GALNT7: variants seen among roughly 807,000 people sequenced by gnomAD.
GALNT7 encodes polypeptide N-acetylgalactosaminyltransferase 7.
A neutral mutation model predicts 82.1 loss-of-function variants in GALNT7; 60 were observed. That is an observed-to-expected ratio of 0.73 (90% CI 0.59 to 0.91). The LOEUF is 0.91. Among genes scored for constraint, GALNT7 ranks in the 40% least tolerant of loss-of-function variants. GALNT7 has a pLI of 0.00. For missense variants in GALNT7, 660 were observed against 804.2 expected, an observed-to-expected ratio of 0.82 and a Z score of 2.17; for synonymous variants, 243 against 275.1, an observed-to-expected ratio of 0.88 and a Z score of 1.15.
intron 2 of GALNT7, among the ~76,000 whole-genome samples, chr4:173,249,663 T>G (rs1164670232): frequency 6.6e-6 from 1 of 152,232 alleles, no homozygotes; most frequent in Non-Finnish European, 1.5e-5. Context: ...AATTTGAATT[T>G]CAGATAAATG....
At chr4:173,218,757 C>T (rs1360442376) in intron 1 of GALNT7, among the ~76,000 whole-genome samples, 3 of 152,124 alleles carry the variant, frequency 2.0e-5, no homozygotes, top group African/African-American at 7.2e-5. Context: ...GTGATAAGCA[C>T]ATGTATTCTT....
At chr4:173,305,008 C>A (rs968169352) in intron 8 of GALNT7, among the ~76,000 whole-genome samples, 16 of 151,814 alleles carry the variant, frequency 1.1e-4, no homozygotes, top group African/African-American at 3.9e-4. Flanking sequence ...CTTCGATATA[C>A]AGATTTTATG....
At chr4:173,186,804 TTGCTCTGTCACCAGGCTGGAG>T (rs1732475046) in intron 1 of GALNT7, among the ~76,000 whole-genome samples, 1 of 152,024 alleles carries the variant, frequency 6.6e-6, no homozygotes, top group South Asian at 2.1e-4. Context: ...AGATGGAGTC[TTGCTCTGTCACCAGGCTGGAG>T]TGCTGTGGTG....
intron 2 of GALNT7, among the ~76,000 whole-genome samples, chr4:173,255,328 T>C (rs1734998424): frequency 6.6e-6 from 1 of 152,172 alleles, no homozygotes; most frequent in Non-Finnish European, 1.5e-5. Flanking sequence ...CTTCCCACTC[T>C]CTGGTTATTG....
chr4:173,282,546 G>A (rs772571946), intron 2 of GALNT7: 5 of 152,194 alleles, frequency 3.3e-5, no homozygotes, highest in Non-Finnish European at 7.3e-5. Flanking sequence ...TCTAACTGCT[G>A]TTAGGGAGAT....
chr4:173,214,516 T>A (rs1363001289), intron 1 of GALNT7, among the ~76,000 whole-genome samples: 1 of 152,190 alleles, frequency 6.6e-6, no homozygotes, highest in African/African-American at 2.4e-5. Flanking sequence ...AGATTGAGTC[T>A]ACAGGGGACT....
intron 1 of GALNT7, among the ~76,000 whole-genome samples, chr4:173,193,368 T>C (rs929784104): frequency 3.3e-5 from 5 of 152,202 alleles, no homozygotes; most frequent in African/African-American, 1.2e-4. Context: ...TTTACTATTA[T>C]GGAAAATTCA....
At chr4:173,253,841 A>G (rs1286482067) in intron 2 of GALNT7, among the ~76,000 whole-genome samples, 4 of 152,182 alleles carry the variant, frequency 2.6e-5, no homozygotes, top group Admixed American at 2.6e-4. Flanking sequence ...AAGAAGTAGA[A>G]AATTCTGTTT....
chr4:173,221,302 A>G (rs998395296), intron 1 of GALNT7, among the ~76,000 whole-genome samples: 39 of 152,248 alleles, frequency 2.6e-4, no homozygotes, highest in African/African-American at 7.7e-4. Context: ...AATGTCTTCT[A>G]TTATTTCAGG....
chr4:173,298,824 G>A (rs1736814302), intron 6 of GALNT7, among the ~76,000 whole-genome samples: 1 of 152,106 alleles, frequency 6.6e-6, no homozygotes, highest in South Asian at 2.1e-4. Flanking sequence ...TAAATCTGAT[G>A]AATCACAATA....
At chr4:173,294,274 CTT>C (rs368722746) in intron 3 of GALNT7, among the ~76,000 whole-genome samples, 3,554 of 139,070 alleles carry the variant, frequency 0.026, 150 homozygotes, top group African/African-American at 0.088. Context: ...AGGATAAAGG[CTT>C]TTTTTTTTTT....
At position 173,198,589 on chromosome 4, in the gene GALNT7, A is replaced by T. The variant is rs79837824; in HGVS notation, c.126+29628A>T. On this transcript the variant is annotated intron_variant, in intron 1 of 11. Transcript: ENST00000265000. ...TATTATACCTGCCTCTTAAAGATTCACAAGGCTGAAAAGTCCTGAAGGAAT... is the reference window on the plus strand; with the variant it reads ...TATTATACCTGCCTCTTAAAGATTCTCAAGGCTGAAAAGTCCTGAAGGAAT... Among the ~76,000 whole-genome samples the T allele has an allele frequency of 2.0e-4, 30 of 152,322 alleles. No homozygotes were observed. The East Asian group carries it at 4.0e-3, about 21-fold the overall frequency.
chr4:173,224,803 G>A (rs540323953), intron 1 of GALNT7, among the ~76,000 whole-genome samples: 1 of 151,700 alleles, frequency 6.6e-6, no homozygotes, highest in Non-Finnish European at 1.5e-5. Flanking sequence ...ACGAGGTCAG[G>A]AGATCCAGAC....
chr4:173,274,420 C>T (rs1735829801), intron 2 of GALNT7, among the ~76,000 whole-genome samples: 1 of 151,920 alleles, frequency 6.6e-6, no homozygotes, highest in African/African-American at 2.4e-5. Flanking sequence ...ATTTATTTTC[C>T]TGTATGTTGT....
intron 1 of GALNT7, chr4:173,169,770 C>G (rs1324637144): frequency 6.6e-6 from 1 of 152,012 alleles, no homozygotes; most frequent in African/African-American, 2.4e-5. Flanking sequence ...TGGCAGTGCT[C>G]GGGCGCTATC....
chr4:173,237,081 T>C (rs1458745879), intron 1 of GALNT7, among the ~76,000 whole-genome samples: 2 of 152,208 alleles, frequency 1.3e-5, no homozygotes, highest in Non-Finnish European at 2.9e-5. Context: ...CATAATTCTG[T>C]TACATTGTCA....
At chr4:173,177,720 G>C (rs1334421049) in intron 1 of GALNT7, among the ~76,000 whole-genome samples, 1 of 152,162 alleles carries the variant, frequency 6.6e-6, no homozygotes, top group Non-Finnish European at 1.5e-5. Context: ...ACGAGTGGCT[G>C]TGGAAGCATT....
At chr4:173,193,438 C>T (rs1047330190) in intron 1 of GALNT7, among the ~76,000 whole-genome samples, 4 of 152,160 alleles carry the variant, frequency 2.6e-5, no homozygotes, top group African/African-American at 9.7e-5. Context: ...CATGAAGTTT[C>T]TGCCTAGCCC....
intron 1 of GALNT7, among the ~76,000 whole-genome samples, chr4:173,170,667 A>ATATTGC (rs1264846798): frequency 6.6e-6 from 1 of 152,206 alleles, no homozygotes; most frequent in Non-Finnish European, 1.5e-5. Context: ...ACTTATTGAC[A>ATATTGC]AAGGATAACT....
Sources: gnomAD v4.1 joint callset for allele counts (sites outside exome capture counted in the v4.1 genomes callset) on GRCh38, gnomAD v4.1.1 for gene constraint, MANE v1.5 for transcripts, NCBI Gene and HGNC (gene_info 2026-07-23, HGNC 2026-07-21) for gene names.